Variants in OTUD7A observed in about 807,000 individuals in gnomAD.
OTUD7A encodes the protein OTU domain-containing protein 7A.
In OTUD7A, 12 loss-of-function variants were observed where a neutral mutation model predicts 65.7. The observed-to-expected ratio is 0.18, with a 90% CI of 0.12 to 0.30. OTUD7A has a LOEUF of 0.30. OTUD7A is among the 10% of genes least tolerant of loss of function. The probability of loss-of-function intolerance (pLI) is 1.00; values close to 1 mark genes in which losing one functional copy is unlikely to be tolerated. For synonymous variants in OTUD7A, 641 were observed against 586.3 expected (o/e 1.09, Z -1.35); for missense variants, 1,148 against 1,304.8 (o/e 0.88, Z 1.85).
intron 1 of OTUD7A, among the ~76,000 whole-genome samples, chr15:31,775,653 G>T (rs983276001): frequency 6.6e-6 from 1 of 152,200 alleles, no homozygotes; most frequent in Non-Finnish European, 1.5e-5. Flanking sequence ...TTTCCCCACA[G>T]AGGATACTAC....
At position 31,530,764 on chromosome 15, in the gene OTUD7A, G is replaced by A; in HGVS notation, c.595C>T (p.Leu199Phe). 6.2e-7 allele frequency: 1 copy of A among 1,614,184 alleles called. No individual in the cohort carries two copies. The highest frequency in any genetic ancestry group is 1.1e-5 in the South Asian group (1 of 91,072). Residue 199 changes from leucine (L) to phenylalanine (F), a missense_variant, in exon 6 of 13, where the codon CTT becomes TTT. Leu to Phe is a conservative substitution (Grantham distance 22, BLOSUM62 0). Coordinates refer to ENST00000307050, the MANE Select transcript of OTUD7A (RefSeq NM_001382637.1). ...WSTVCTSCKR[L>F]LPLATTGDGN... Reference sequence around the variant, plus strand: ...TCCCCTGTTGTGGCCAGAGGAAGAAGCCGTTTACAGCTCGTGCACACAGTG... The same window carrying A: ...TCCCCTGTTGTGGCCAGAGGAAGAAACCGTTTACAGCTCGTGCACACAGTG...
chr15:31,630,510 A>C (rs1891109785), intron 3 of OTUD7A, among the ~76,000 whole-genome samples: 1 of 152,176 alleles, frequency 6.6e-6, no homozygotes, highest in African/African-American at 2.4e-5. Flanking sequence ...CTTTACTTCC[A>C]ACTATGTGGT....
At chr15:31,622,993 T>C (rs1198161785) in intron 3 of OTUD7A, among the ~76,000 whole-genome samples, 2 of 152,258 alleles carry the variant, frequency 1.3e-5, no homozygotes, top group Non-Finnish European at 2.9e-5. Context: ...GTCAGGACCC[T>C]CAGCTGCAGG....
intron 1 of OTUD7A, among the ~76,000 whole-genome samples, chr15:31,765,589 C>G (rs1293205211): frequency 6.6e-6 from 1 of 152,138 alleles, no homozygotes; most frequent in Non-Finnish European, 1.5e-5. Context: ...TCCTAGGAGT[C>G]TCACATTGAT....
chr15:31,813,570 G>A (rs2140963908), intron 1 of OTUD7A, among the ~76,000 whole-genome samples: 1 of 152,284 alleles, frequency 6.6e-6, no homozygotes, highest in Admixed American at 6.5e-5. Context: ...GAAGAATACT[G>A]GATTCCACTG....
chr15:31,722,363 A>G (rs1369871398), intron 1 of OTUD7A, among the ~76,000 whole-genome samples: 3 of 152,220 alleles, frequency 2.0e-5, no homozygotes, highest in Non-Finnish European at 4.4e-5. Flanking sequence ...GCCATTACAC[A>G]AGGCTTCTTG....
At chr15:31,588,036 A>C (rs1188015334) in intron 3 of OTUD7A, among the ~76,000 whole-genome samples, 1 of 152,090 alleles carries the variant, frequency 6.6e-6, no homozygotes, top group Non-Finnish European at 1.5e-5. Flanking sequence ...ATCCCTACAG[A>C]AATGCCCGTA....
chr15:31,578,938 C>T (rs1889288856), intron 3 of OTUD7A, among the ~76,000 whole-genome samples: 1 of 152,190 alleles, frequency 6.6e-6, no homozygotes, highest in Non-Finnish European at 1.5e-5. Flanking sequence ...ACCTTGGGCA[C>T]ATGTTATTAG....
chr15:31,500,382 A>G (rs2041450843), intron 10 of OTUD7A, among the ~76,000 whole-genome samples: 1 of 152,246 alleles, frequency 6.6e-6, no homozygotes. Context: ...TGTAGCCTCC[A>G]GTCGTCTCTC....
At chr15:31,735,297 G>A (rs1038222338) in intron 1 of OTUD7A, among the ~76,000 whole-genome samples, 3 of 152,162 alleles carry the variant, frequency 2.0e-5, no homozygotes, top group East Asian at 3.9e-4. Flanking sequence ...GCCAAGGCGG[G>A]GGTGGATCAC....
At chr15:31,486,660 TC>T (rs1462670732) in intron 12 of OTUD7A, among the ~76,000 whole-genome samples, 2 of 152,162 alleles carry the variant, frequency 1.3e-5, no homozygotes, top group East Asian at 3.9e-4. Context: ...CTCCTCACCT[TC>T]CTGCCAGCTC....
intron 5 of OTUD7A, among the ~76,000 whole-genome samples, chr15:31,549,635 A>G (rs34448788): frequency 0.055 from 8,360 of 152,274 alleles, 521 homozygotes; most frequent in African/African-American, 0.15. Flanking sequence ...AAGGAAAGTC[A>G]GAGAGATTTA....
intron 8 of OTUD7A, among the ~76,000 whole-genome samples, chr15:31,520,698 T>C (rs911465224): frequency 1.3e-5 from 2 of 152,148 alleles, no homozygotes; most frequent in Non-Finnish European, 2.9e-5. Context: ...GGAATGTAAA[T>C]TCATACAACC....
At chr15:31,727,979 C>T (rs1893939604) in intron 1 of OTUD7A, among the ~76,000 whole-genome samples, 2 of 152,162 alleles carry the variant, frequency 1.3e-5, no homozygotes, top group Admixed American at 6.5e-5. Context: ...CTTTAAATAT[C>T]ACCCAAACGC....
At chr15:31,755,060 C>CGTGTGTGT (rs71424619) in intron 1 of OTUD7A, among the ~76,000 whole-genome samples, 1 of 146,292 alleles carries the variant, frequency 6.8e-6, no homozygotes, top group East Asian at 2.0e-4. Flanking sequence ...CCTCTGTGTT[C>CGTGTGTGT]GTGTGTGTGT....
chr15:31,521,309 T>C (rs532385402), intron 8 of OTUD7A, among the ~76,000 whole-genome samples: 2 of 152,308 alleles, frequency 1.3e-5, no homozygotes, highest in African/African-American at 4.8e-5. Flanking sequence ...AGTAGAGTGA[T>C]AAAAGGTGGA....
At chr15:31,522,623 T>C (rs8041053) in intron 8 of OTUD7A, among the ~76,000 whole-genome samples, 13,739 of 152,268 alleles carry the variant, frequency 0.09, 795 homozygotes, top group African/African-American at 0.16. Context: ...TGACAGCTCA[T>C]AGGCCTGCCT....
chr15:31,576,485 T>C (rs1889206839), intron 3 of OTUD7A, among the ~76,000 whole-genome samples: 1 of 152,232 alleles, frequency 6.6e-6, no homozygotes, highest in Admixed American at 6.5e-5. Context: ...TTATCTCTTA[T>C]CTACCTATGA....
chr15:31,857,985 G>T lies in OTUD7A; in HGVS notation c.-100+12522C>A, dbSNP rs375888860. ...TTACTTAAAACCAGTAGTACTTTACGAAGAACGCATGGTTTCCCACTCAAC... is the reference window on the plus strand; with the variant it reads ...TTACTTAAAACCAGTAGTACTTTACTAAGAACGCATGGTTTCCCACTCAAC... On this transcript the variant is annotated intron_variant, in intron 1 of 12. Coordinates refer to ENST00000307050, the MANE Select transcript of OTUD7A (RefSeq NM_001382637.1). Among the ~76,000 whole-genome samples the T allele has an allele frequency of 2.5e-4, 38 of 152,294 alleles. No homozygotes were observed. The South Asian group carries it at 7.0e-3, about 28-fold the overall frequency.
Sources: allele counts gnomAD v4.1 joint callset (sites outside exome capture counted in the v4.1 genomes callset), GRCh38; gene constraint gnomAD v4.1.1; transcripts MANE v1.5; gene names NCBI Gene and HGNC (gene_info 2026-07-23, HGNC 2026-07-21).